Variants in CTNNA3 observed in about 807,000 individuals in gnomAD.
CTNNA3 encodes catenin alpha 3.
CTNNA3 carries 76 observed loss-of-function variants against 95.7 expected under a neutral mutation model. The ratio of observed to expected loss-of-function variants is 0.79; its 90% CI spans 0.66 to 0.96. The LOEUF is 0.96. CTNNA3 is among the 40% of genes least tolerant of loss of function. The pLI, the probability that CTNNA3 is intolerant of heterozygous loss-of-function variation, is 0.00. For missense variants in CTNNA3, 1,191 were observed against 1,089.8 expected (o/e 1.09, Z -1.31); for synonymous variants, 431 against 374.4 (o/e 1.15, Z -1.74).
chr10:66,277,268 T>C (rs2091417833), intron 13 of CTNNA3, among the ~76,000 whole-genome samples: 1 of 152,146 alleles, frequency 6.6e-6, no homozygotes, highest in African/African-American at 2.4e-5. Context: ...TAGTATTTTA[T>C]TGTTTCAAAG....
intron 5 of CTNNA3, among the ~76,000 whole-genome samples, chr10:67,305,958 G>A (rs1412013558): frequency 6.6e-6 from 1 of 152,204 alleles, no homozygotes; most frequent in African/African-American, 2.4e-5. Flanking sequence ...GGTATAGGTT[G>A]AGTAAATGAG....
intron 15 of CTNNA3, among the ~76,000 whole-genome samples, chr10:66,047,502 G>A (rs575248398): frequency 3.9e-5 from 6 of 152,260 alleles, no homozygotes; most frequent in African/African-American, 1.4e-4. Flanking sequence ...AGCCATCTAT[G>A]ACAAATCCAT....
chr10:67,069,884 C>T (rs2131844114), intron 7 of CTNNA3, among the ~76,000 whole-genome samples: 1 of 152,194 alleles, frequency 6.6e-6, no homozygotes, highest in South Asian at 2.1e-4. Flanking sequence ...CACTTTTGTA[C>T]ATCTTTTGGT....
At chr10:67,434,478 C>T (rs1174465781) in intron 5 of CTNNA3, among the ~76,000 whole-genome samples, 2 of 151,888 alleles carry the variant, frequency 1.3e-5, no homozygotes, top group African/African-American at 4.8e-5. Context: ...TTAACAGTGT[C>T]GAGATTAAAT....
At chr10:66,454,155 C>T (rs1476864838) in intron 11 of CTNNA3, among the ~76,000 whole-genome samples, 1 of 152,122 alleles carries the variant, frequency 6.6e-6, no homozygotes, top group Admixed American at 6.6e-5. Context: ...TAGATTCCCC[C>T]CTGCAGTCTC....
chr10:67,429,460 A>G (rs1220336924), intron 5 of CTNNA3, among the ~76,000 whole-genome samples: 1 of 152,062 alleles, frequency 6.6e-6, no homozygotes, highest in African/African-American at 2.4e-5. Flanking sequence ...GAGGACAATT[A>G]GAAGAGATTA....
In CTNNA3 at chr10:66,199,805, A is replaced by ATATATATTT. The variant is rs1564756586; in HGVS notation, c.1884+80664_1884+80665insAAATATATA. Among the ~76,000 whole-genome samples the ATATATATTT allele has an allele frequency of 2.8e-4, 4 of 14,282 alleles. 1 individual carries two copies. Among genetic ancestry groups the ATATATATTT allele is most frequent in the African/African-American group, 7.8e-4 (2 of 2,548 alleles). 9.4% of individuals were successfully genotyped at this position (14,282 alleles called of 152,430 possible). A position where few individuals can be genotyped will look rare whatever the true frequency, so the allele number is the denominator to read the frequency against. ...TATATATATATATATATATATATATATTTTTTTTTTTTTTTTTTTTTTTTT... is the reference window on the plus strand; with the variant it reads ...TATATATATATATATATATATATATATATATATTTTTTTTTTTTTTTTTTTTTTTTTTTT... On this transcript the variant is annotated intron_variant, in intron 13 of 17. Transcript: ENST00000433211.
At chr10:67,525,959 A>G (rs1442144968) in intron 4 of CTNNA3, among the ~76,000 whole-genome samples, 1 of 152,222 alleles carries the variant, frequency 6.6e-6, no homozygotes, top group Non-Finnish European at 1.5e-5. Context: ...GGTATACAGT[A>G]AGTGCCTGAT....
chr10:66,675,001 C>T, intron 9 of CTNNA3, among the ~76,000 whole-genome samples: 1 of 152,014 alleles, frequency 6.6e-6, no homozygotes, highest in East Asian at 1.9e-4. Flanking sequence ...TTTCAGCTAT[C>T]TTCTCTCTGC....
At chr10:67,543,148 AC>A (rs1045507191) in intron 3 of CTNNA3, among the ~76,000 whole-genome samples, 14 of 152,086 alleles carry the variant, frequency 9.2e-5, no homozygotes, top group Non-Finnish European at 1.9e-4. Flanking sequence ...ACTTCTTTCT[AC>A]TGAGTCCATT....
intron 15 of CTNNA3, among the ~76,000 whole-genome samples, chr10:66,054,801 C>A (rs1414654394): frequency 6.6e-6 from 1 of 152,128 alleles, no homozygotes; most frequent in African/African-American, 2.4e-5. Flanking sequence ...AATCTTTACT[C>A]AGACCAATGT....
chr10:67,141,590 G>C (rs10822983), intron 7 of CTNNA3, among the ~76,000 whole-genome samples: 80,272 of 151,958 alleles, frequency 0.53, 21,397 homozygotes, highest in Middle Eastern at 0.66. Flanking sequence ...GTTCAACAGA[G>C]TAGCCATAGT....
intron 1 of CTNNA3, among the ~76,000 whole-genome samples, chr10:67,704,848 A>G (rs562280264): frequency 2.6e-5 from 4 of 152,230 alleles, no homozygotes; most frequent in East Asian, 1.9e-4. Flanking sequence ...GCAACCTACA[A>G]AATGGGAGAA....
At chr10:67,254,759 G>A (rs1334152866) in intron 5 of CTNNA3, among the ~76,000 whole-genome samples, 1 of 152,180 alleles carries the variant, frequency 6.6e-6, no homozygotes, top group Non-Finnish European at 1.5e-5. Context: ...TAAGTAACAT[G>A]CTGTACAGGT....
intron 9 of CTNNA3, among the ~76,000 whole-genome samples, chr10:66,738,521 G>GA (rs1393049296): frequency 2.0e-5 from 3 of 152,000 alleles, no homozygotes; most frequent in African/African-American, 2.4e-5. Flanking sequence ...ATACATTCTA[G>GA]AAAAAATATG....
At chr10:67,511,980 C>A (rs1037292037) in intron 5 of CTNNA3, among the ~76,000 whole-genome samples, 2 of 152,050 alleles carry the variant, frequency 1.3e-5, no homozygotes, top group Non-Finnish European at 2.9e-5. Flanking sequence ...AGTTTATTTG[C>A]GTAGAGGTGT....
At chr10:66,330,244 G>A (rs990167484) in intron 12 of CTNNA3, among the ~76,000 whole-genome samples, 8 of 131,566 alleles carry the variant, frequency 6.1e-5, no homozygotes, top group Non-Finnish European at 6.4e-5. Context: ...AACAGGCCCC[G>A]GTGTGTGATG....
intron 9 of CTNNA3, among the ~76,000 whole-genome samples, chr10:66,669,945 C>A (rs1303651614): frequency 6.6e-6 from 1 of 152,002 alleles, no homozygotes; most frequent in South Asian, 2.1e-4. Context: ...GGGATAAAAA[C>A]AATTGCATGA....
chr10:67,542,986 G>T (rs1488632219), intron 3 of CTNNA3, among the ~76,000 whole-genome samples: 1 of 151,950 alleles, frequency 6.6e-6, no homozygotes, highest in Non-Finnish European at 1.5e-5. Context: ...TGCTTATAAT[G>T]CTTTTACTTT....
Sources: allele counts gnomAD v4.1 joint callset (sites outside exome capture counted in the v4.1 genomes callset), GRCh38; gene constraint gnomAD v4.1.1; transcripts MANE v1.5; gene names NCBI Gene and HGNC (gene_info 2026-07-23, HGNC 2026-07-21).